ZMYM6: variants seen among roughly 807,000 people sequenced by gnomAD.
The protein encoded by ZMYM6 is zinc finger MYM-type containing 6.
ZMYM6 carries 90 observed loss-of-function variants against 134.0 expected under a neutral mutation model. That is an observed-to-expected ratio of 0.67 (90% CI 0.57 to 0.80). ZMYM6 has a LOEUF of 0.80. Ranked by LOEUF, ZMYM6 falls within the 30% of genes least tolerant of loss-of-function variation. ZMYM6 has a pLI of 0.00. For missense variants in ZMYM6, 1,362 were observed against 1,533.9 expected (o/e 0.89, Z 1.87); for synonymous variants, 481 against 524.1 (o/e 0.92, Z 1.12).
chr1:35,007,112 G>A lies in ZMYM6; in HGVS notation c.1666-14C>T. The A allele has an allele frequency of 6.3e-7, 1 of 1,582,228 alleles. No homozygotes were observed. Among genetic ancestry groups the A allele is most frequent in the Non-Finnish European group, 8.6e-7 (1 of 1,166,480 alleles). The stretch of plus-strand genomic sequence containing the variant: ...ACACTTGGCCATCTGAAAAAGAAAT[G>A]TTAGACAAGATAGGCTTAAAACTAT... On this transcript the variant is annotated splice_polypyrimidine_tract_variant and intron_variant, in intron 11 of 15. Transcript: ENST00000357182.
chr1:35,012,543 T>A lies in ZMYM6; in HGVS notation c.834A>T (p.Ser278=), dbSNP rs1334659559. The A allele has an allele frequency of 1.2e-6, 2 of 1,613,576 alleles. No individual in the cohort carries two copies. Among genetic ancestry groups the A allele is most frequent in the Non-Finnish European group, 1.7e-6 (2 of 1,179,790 alleles). ...CAATCATTTCAGCTGAGGGCCTCAA[T>A]GACTTCCCCAGGGCATATGGAGGAA... ...AQIPPYALGK[S]LRPSAEMIET... The change falls in exon 7 of 16, where the codon TCA becomes TCT. Residue 278 remains serine (S), a synonymous_variant. Transcript: ENST00000357182.
chr1:35,015,760 A>ATG lies in ZMYM6; in HGVS notation c.429-600_429-599dup, dbSNP rs1553131762. ...AAAAAAAAAATATATATATATATAT[A>ATG]TGTGGCCAGCCAGATGCTGAAGACA... On this transcript the variant is annotated intron_variant, in intron 4 of 15. Coordinates refer to ENST00000357182, the MANE Select transcript of ZMYM6 (RefSeq NM_007167.4). Among the ~76,000 whole-genome samples, 929 of 138,870 alleles carry ATG rather than the reference A, an allele frequency of 6.7e-3. 13 individuals are homozygous for ATG. The highest frequency in any genetic ancestry group is 0.027 in the African/African-American group (883 of 33,262). 91.1% of individuals were successfully genotyped at this position (138,870 alleles called of 152,430 possible). A position where few individuals can be genotyped will look rare whatever the true frequency, so the allele number is the denominator to read the frequency against.
chr1:35,010,439 G>T lies in ZMYM6; in HGVS notation c.1492+8C>A. 1 of 1,603,016 alleles carries T rather than the reference G, an allele frequency of 6.2e-7. No homozygotes were observed. Among genetic ancestry groups the T allele is most frequent in the Admixed American group, 1.8e-5 (1 of 56,346 alleles). On this transcript the variant is annotated splice_region_variant and intron_variant, in intron 10 of 15. Transcript: ENST00000357182. ...CATGCTCTGTGAATAAAACAACTTT[G>T]TCTTTACCTTCACTACAGAATGGCT...
rs764438530 is a variant in ZMYM6 at position 35,020,416 on chromosome 1, C to T, written c.145G>A (p.Gly49Ser). Residue 49 changes from glycine to serine, a missense_variant, in exon 3 of 16, where the codon GGT (glycine) becomes AGT (serine). By Grantham distance (56) the Gly-to-Ser change is moderately conservative (BLOSUM62 0). Around this residue, in one of 3 missense-constraint regions of ZMYM6, gnomAD observed 503 missense variants for 520.8 expected, o/e 0.97. Coordinates refer to ENST00000357182, the MANE Select transcript of ZMYM6 (RefSeq NM_007167.4). The part of the protein sequence containing the change: ...PKTQESKLKI[G>S]GVSSVNERPI... ...CTCTCATTAACTGAAGACACACCAC[C>T]AATTTTCAATTTACTTTCTTGAGTT... The T allele has an allele frequency of 6.8e-6, 11 of 1,612,444 alleles. No individual in the cohort carries two copies. In the South Asian group the frequency reaches 1.1e-4, roughly 16 times the overall value.
At chr1:34,998,923 A>G (rs1172406614) in intron 14 of ZMYM6, among the ~76,000 whole-genome samples, 1 of 152,080 alleles carries the variant, frequency 6.6e-6, no homozygotes, top group African/African-American at 2.4e-5. Context: ...GAAGTTTGAG[A>G]CCAGCCTGGG....
chr1:35,005,187 T>C lies in ZMYM6; in HGVS notation c.1899A>G (p.Ser633=). The change falls in exon 13 of 16, where the codon TCA becomes TCG. Residue 633 remains serine, a synonymous_variant. Coordinates refer to ENST00000357182, the MANE Select transcript of ZMYM6 (RefSeq NM_007167.4). ...ATAAGGTAGCAGGTATTTTTGCCAA[T>C]GACATCACACTGGTTATAACTGGTG... ...DTTPVITSVM[S]LAKIPATLST... 6.2e-7 allele frequency: 1 copy of C among 1,614,160 alleles called. No homozygotes were observed. The highest frequency in any genetic ancestry group is 8.5e-7 in the Non-Finnish European group (1 of 1,180,002).
intron 2 of ZMYM6, among the ~76,000 whole-genome samples, chr1:35,023,921 C>T (rs1641358861): frequency 6.6e-6 from 1 of 152,132 alleles, no homozygotes; most frequent in Non-Finnish European, 1.5e-5. Flanking sequence ...CGCGCCCGGC[C>T]AGATTCAATA....
chr1:35,030,703 T>C lies in ZMYM6; in HGVS notation c.-64A>G, dbSNP rs1000720938. ...GAATAGATTTCTTCTTGGTAATGGATAGTTGGACACCTAAAATACATACTC... is the reference window on the plus strand; with the variant it reads ...GAATAGATTTCTTCTTGGTAATGGACAGTTGGACACCTAAAATACATACTC... On this transcript the variant is annotated 5_prime_UTR_variant, in exon 2 of 16. Coordinates refer to ENST00000357182, the MANE Select transcript of ZMYM6 (RefSeq NM_007167.4). The C allele has an allele frequency of 4.2e-6, 6 of 1,433,806 alleles. No homozygotes were observed. The highest frequency in any genetic ancestry group is 2.3e-5 in the East Asian group (1 of 44,084). 88.8% of individuals were successfully genotyped at this position (1,433,806 alleles called of 1,614,324 possible). A position where few individuals can be genotyped will look rare whatever the true frequency, so the allele number is the denominator to read the frequency against.
rs796794023 is a variant in ZMYM6, at chr1:34,987,761, C to T, written c.3321G>A (p.Glu1107=). 3 of 1,551,444 alleles carry T rather than the reference C, an allele frequency of 1.9e-6. No individual in the cohort carries two copies. In the African/African-American group the frequency reaches 4.1e-5, roughly 21 times the overall value. The change falls in exon 16 of 16, where the codon GAG becomes GAA. Residue 1107 remains glutamate (E), a synonymous_variant. Coordinates refer to ENST00000357182, the MANE Select transcript of ZMYM6 (RefSeq NM_007167.4). The part of the protein sequence containing the change: ...HSDLAKYFHD[E]EWVGKLAYLS... ...AGTAGGCCAGCTTTCCAACCCATTCCTCATCATGAAAATACTTGGCCAAAT... is the reference window on the plus strand; with the variant it reads ...AGTAGGCCAGCTTTCCAACCCATTCTTCATCATGAAAATACTTGGCCAAAT...
At chr1:35,012,092 A>G in intron 7 of ZMYM6, 87 bp from the exon 8 acceptor site, 2 of 793,174 alleles carry the variant, frequency 2.5e-6, no homozygotes, top group Non-Finnish European at 3.7e-6. Flanking sequence ...AAAAAATTAA[A>G]TAATCAATAA....
intron 2 of ZMYM6, among the ~76,000 whole-genome samples, chr1:35,029,623 C>T (rs1641480823): frequency 1.3e-5 from 2 of 152,048 alleles, no homozygotes; most frequent in South Asian, 4.2e-4. Flanking sequence ...CTGTTCCAGG[C>T]TCACTGTTCC....
chr1:35,001,517 G>A (rs949308797), intron 14 of ZMYM6, among the ~76,000 whole-genome samples: 34 of 152,014 alleles, frequency 2.2e-4, no homozygotes, highest in African/African-American at 7.7e-4. Context: ...ATATACAGAG[G>A]AAAGAAGCAT....
Position 34,987,799 on chromosome 1 carries a change from G to C in ZMYM6, c.3283C>G (p.Gln1095Glu). The change falls in exon 16 of 16, where the codon CAA (glutamine) becomes GAA (glutamate). Residue 1095 changes from glutamine to glutamate, a missense_variant. By Grantham distance (29) the Gln-to-Glu change is conservative. This residue lies in a region of ZMYM6 where 824 missense variants were observed against 940.9 expected (regional missense o/e 0.88). Transcript: ENST00000357182. The stretch of plus-strand genomic sequence containing the variant: ...TACTTGGCCAAATCTGAATGCTTTT[G>C]ACTTAAAAATATTTCAATCTCATGT... ...LRHEIEIFLS[Q>E]KHSDLAKYFH... 9 of 1,551,104 alleles carry C rather than the reference G, an allele frequency of 5.8e-6. No homozygotes were observed. The highest frequency in any genetic ancestry group is 7.8e-6 in the Non-Finnish European group (9 of 1,146,904).
chr1:35,023,769 C>T (rs1174492537), intron 2 of ZMYM6, among the ~76,000 whole-genome samples: 2 of 151,652 alleles, frequency 1.3e-5, no homozygotes, highest in Non-Finnish European at 2.9e-5. Flanking sequence ...CTACAGGCGC[C>T]CACCACCATG....
At chr1:35,025,479 A>AG (rs1274930109) in intron 2 of ZMYM6, among the ~76,000 whole-genome samples, 2 of 145,490 alleles carry the variant, frequency 1.4e-5, no homozygotes, top group East Asian at 1.9e-4. Flanking sequence ...AAAAAAAAAA[A>AG]AAAAAAAAAG....
intron 14 of ZMYM6, among the ~76,000 whole-genome samples, chr1:34,998,142 G>C (rs778875442): frequency 1.3e-5 from 2 of 152,104 alleles, no homozygotes; most frequent in Non-Finnish European, 2.9e-5. Flanking sequence ...AGCCAGGCGT[G>C]GTGGCACGCG....
chr1:34,991,970 T>C (rs1308868583), intron 15 of ZMYM6: 1 of 442,606 alleles, frequency 2.3e-6, no homozygotes, highest in African/African-American at 2.1e-5. Context: ...GAATTCGCAG[T>C]ATTTAAAAAA....
chr1:34,998,793 T>C (rs1027210307), intron 14 of ZMYM6, among the ~76,000 whole-genome samples: 4 of 152,134 alleles, frequency 2.6e-5, no homozygotes, highest in Non-Finnish European at 4.4e-5. Flanking sequence ...TAAATAAATC[T>C]AGAAGGAATC....
intron 3 of ZMYM6, among the ~76,000 whole-genome samples, chr1:35,020,181 A>G (rs1053911802): frequency 4.6e-5 from 7 of 152,170 alleles, no homozygotes; most frequent in African/African-American, 1.7e-4. Context: ...ATGAAACAAT[A>G]TGTTTCCTTA....
Sources: gnomAD v4.1 joint callset for allele counts (sites outside exome capture counted in the v4.1 genomes callset) on GRCh38, gnomAD v4.1.1 for gene constraint, gnomAD v4.1.1 regional missense constraint, MANE v1.5 for transcripts, NCBI Gene and HGNC (gene_info 2026-07-23, HGNC 2026-07-21) for gene names.